Variants in CEP83 observed in about 807,000 individuals in gnomAD.
CEP83 encodes centrosomal protein 83.
Under a neutral mutation model 101.9 loss-of-function variants are expected in CEP83, and 70 were observed. The observed-to-expected ratio is 0.69, with a 90% confidence interval of 0.57 to 0.84. CEP83 has a LOEUF of 0.84. CEP83 is among the 40% of genes least tolerant of loss of function. The pLI is 0.00. For missense variants in CEP83, 715 were observed against 787.2 expected (o/e 0.91, Z 1.10); for synonymous variants, 264 against 267.9 (o/e 0.99, Z 0.14).
At chr12:94,449,937 A>G (rs1594144196) in intron 1 of CEP83, among the ~76,000 whole-genome samples, 1 of 152,310 alleles carries the variant, frequency 6.6e-6, no homozygotes, top group East Asian at 1.9e-4. Flanking sequence ...GCAGGAAAAA[A>G]CATGACAAAA....
intron 6 of CEP83, among the ~76,000 whole-genome samples, chr12:94,381,722 T>G (rs2061860809): frequency 6.6e-6 from 1 of 152,152 alleles, no homozygotes; most frequent in African/African-American, 2.4e-5. Flanking sequence ...GTCTTCTGGC[T>G]TTTATTACTT....
chr12:94,296,504 C>A, the CEP83 span, among the ~76,000 whole-genome samples: 1 of 152,156 alleles, frequency 6.6e-6, no homozygotes, highest in African/African-American at 2.4e-5. Context: ...TCCTCTCTTC[C>A]CTCCATTTAC....
chr12:94,377,122 G>A (rs892162870), intron 7 of CEP83, among the ~76,000 whole-genome samples: 6 of 152,096 alleles, frequency 3.9e-5, no homozygotes, highest in Admixed American at 2.6e-4. Context: ...ACATATAGAT[G>A]CTGTTCGACT....
intron 14 of CEP83, among the ~76,000 whole-genome samples, chr12:94,326,530 G>A (rs992971167): frequency 6.6e-6 from 1 of 152,108 alleles, no homozygotes; most frequent in Non-Finnish European, 1.5e-5. Flanking sequence ...ACACCTGGTT[G>A]GTATCCAGAG....
At chr12:94,346,532 TG>T (rs1467989995) in intron 11 of CEP83, among the ~76,000 whole-genome samples, 1 of 151,834 alleles carries the variant, frequency 6.6e-6, no homozygotes, top group African/African-American at 2.4e-5. Context: ...TAAATTTAGC[TG>T]AAAGAGAAGG....
intron 2 of CEP83, among the ~76,000 whole-genome samples, chr12:94,417,348 C>A (rs2064356509): frequency 6.6e-6 from 1 of 152,076 alleles, no homozygotes. Context: ...AACAAAAAAA[C>A]CTTGTACTTC....
chr12:94,425,090 A>AG, intron 2 of CEP83: 1 of 241,278 alleles, frequency 4.1e-6, no homozygotes, highest in Non-Finnish European at 8.0e-6. Flanking sequence ...GGAGGAAAAA[A>AG]GGGAGGGGGA....
intron 1 of CEP83, among the ~76,000 whole-genome samples, chr12:94,444,181 C>A (rs2066629597): frequency 1.3e-5 from 2 of 151,968 alleles, no homozygotes; most frequent in African/African-American, 4.8e-5. Context: ...GGCAGATCAC[C>A]TGAGGTCAGA....
intron 14 of CEP83, among the ~76,000 whole-genome samples, chr12:94,319,950 T>C (rs1971365269): frequency 1.3e-5 from 2 of 152,206 alleles, no homozygotes; most frequent in African/African-American, 4.8e-5. Context: ...CAGTGGAATG[T>C]GGAAGTCTCC....
chr12:94,455,259 C>T (rs1456728952), intron 1 of CEP83, among the ~76,000 whole-genome samples: 2 of 152,248 alleles, frequency 1.3e-5, no homozygotes, highest in Non-Finnish European at 2.9e-5. Context: ...GAAATAGCTG[C>T]CTTAAAACAA....
chr12:94,407,547 G>A (rs2063617355), intron 4 of CEP83, among the ~76,000 whole-genome samples: 1 of 152,100 alleles, frequency 6.6e-6, no homozygotes, highest in South Asian at 2.1e-4. Context: ...CCTCACCACT[G>A]GCCTGTGCAA....
chr12:94,365,974 G>T (rs528846903), intron 11 of CEP83, among the ~76,000 whole-genome samples: 1 of 151,844 alleles, frequency 6.6e-6, no homozygotes, highest in East Asian at 1.9e-4. Context: ...GTATTTGTGA[G>T]GAACAAAAAC....
chr12:94,368,020 G>C (rs762962964), intron 10 of CEP83, 37 bp downstream of exon 10: 9 of 1,603,662 alleles, frequency 5.6e-6, no homozygotes, highest in African/African-American at 5.4e-5. Context: ...TCATTTGCAA[G>C]GATATTTAAG....
At chr12:94,337,470 A>C (rs1482314985) in intron 11 of CEP83, among the ~76,000 whole-genome samples, 1 of 152,224 alleles carries the variant, frequency 6.6e-6, no homozygotes, top group Admixed American at 6.5e-5. Flanking sequence ...ATGAATCTTA[A>C]GATAAATAAG....
chr12:94,413,501 G>A (rs2064039353), intron 2 of CEP83, among the ~76,000 whole-genome samples: 1 of 152,142 alleles, frequency 6.6e-6, no homozygotes, highest in African/African-American at 2.4e-5. Context: ...GTCTTCAAAA[G>A]GTGACCTTCA....
intron 11 of CEP83, among the ~76,000 whole-genome samples, chr12:94,365,019 A>G (rs1361030869): frequency 1.3e-5 from 2 of 152,212 alleles, no homozygotes; most frequent in East Asian, 1.9e-4. Context: ...ATTACATAAT[A>G]AAAATTTTTG....
the CEP83 span, among the ~76,000 whole-genome samples, chr12:94,290,728 C>G: frequency 6.6e-6 from 1 of 152,240 alleles, no homozygotes; most frequent in Non-Finnish European, 1.5e-5. Flanking sequence ...CAATGTGCAG[C>G]AGGCCAGAAG....
intron 4 of CEP83, among the ~76,000 whole-genome samples, chr12:94,408,720 C>T (rs1456518380): frequency 1.3e-5 from 2 of 152,110 alleles, no homozygotes; most frequent in Non-Finnish European, 2.9e-5. Flanking sequence ...GCTGGGACTA[C>T]AGGTGCATGC....
the CEP83 span, chr12:94,300,827 C>T: frequency 7.6e-7 from 1 of 1,320,666 alleles, no homozygotes; most frequent in Non-Finnish European, 1.0e-6. Flanking sequence ...AGGACAAAAA[C>T]ACCCGTTTAC....
Sources: gnomAD v4.1 joint callset for allele counts (sites outside exome capture counted in the v4.1 genomes callset) on GRCh38, gnomAD v4.1.1 for gene constraint, MANE v1.5 for transcripts, NCBI Gene and HGNC (gene_info 2026-07-23, HGNC 2026-07-21) for gene names.